The following PYROXD2 variants were observed in gnomAD, a reference collection of about 807,000 sequenced individuals.
PYROXD2 encodes the protein pyridine nucleotide-disulphide oxidoreductase domain 2, also known as pyridine nucleotide-disulfide oxidoreductase domain-containing protein 2.
PYROXD2 carries 69 observed loss-of-function variants against 71.1 expected under a neutral mutation model. The observed-to-expected ratio is 0.97, with a 90% CI of 0.80 to 1.19. PYROXD2 has a LOEUF of 1.19. PYROXD2 is among the 50% of genes most tolerant of loss of function. The pLI is 0.00. For synonymous variants in PYROXD2, 287 were observed against 302.7 expected, an observed-to-expected ratio of 0.95 and a Z score of 0.54; for missense variants, 745 against 748.9, an observed-to-expected ratio of 0.99 and a Z score of 0.06.
chr10:98,407,558 A>G (rs200958885), intron 4 of PYROXD2, 24 bp downstream of exon 4: 17 of 1,612,352 alleles, frequency 1.1e-5, no homozygotes, highest in Non-Finnish European at 1.3e-5. Flanking sequence ...CCTCCGTGCA[A>G]TCGGGCCGGC....
chr10:98,391,277 C>T (rs541912051), intron 10 of PYROXD2, among the ~76,000 whole-genome samples, 195 bp from the exon 11 acceptor site: 7 of 152,258 alleles, frequency 4.6e-5, no homozygotes, highest in African/African-American at 1.7e-4. Context: ...CTTCCTCCTC[C>T]GCGCTTGGCC....
intron 4 of PYROXD2, among the ~76,000 whole-genome samples, chr10:98,402,711 G>A (rs1325655764): frequency 6.6e-6 from 1 of 152,210 alleles, no homozygotes; most frequent in Non-Finnish European, 1.5e-5. Context: ...CACCTTATCA[G>A]CCAGGCCTCC....
rs781709465 is a variant in PYROXD2 at position 98,392,535 on chromosome 10, C to T, written c.959G>A (p.Gly320Asp). 2 of 1,613,080 alleles carry T rather than the reference C, an allele frequency of 1.2e-6. No individual in the cohort carries two copies. The highest frequency in any genetic ancestry group is 1.7e-6 in the Non-Finnish European group (2 of 1,179,996). Residue 320 changes from glycine (G) to aspartate (D), a missense_variant, in exon 10 of 16, where the codon GGC (glycine) becomes GAC (aspartate). Gly to Asp is a moderately conservative substitution (Grantham distance 94, BLOSUM62 -1). Transcript: ENST00000370575. ...TTCCAGCACAACTCCTTGAACACAG[C>T]CTTCACTGTTCACCTGCACCTTCGC... is the stretch of plus-strand genomic sequence containing the variant. ...TVAKVQVNSEGCVQGVVLEDG... is the reference protein window; with the variant it reads ...TVAKVQVNSEDCVQGVVLEDG...
In PYROXD2 at chr10:98,383,666, C is replaced by T; in HGVS notation, c.*132G>A. On this transcript the variant is annotated 3_prime_UTR_variant, in exon 16 of 16. Coordinates refer to ENST00000370575, the MANE Select transcript of PYROXD2 (RefSeq NM_032709.3). ...ACTAAATGTAACTCGTACGTTTTTT[C>T]TAAAATAATTTCTTGAGCATTGTGG... 1.4e-5 allele frequency: 11 copies of T among 766,212 alleles called. No individual in the cohort carries two copies. The highest frequency in any genetic ancestry group is 8.4e-5 in the Admixed American group (4 of 47,696). The allele number at this position is 766,212 out of a possible 1,614,324, so 47.5% of individuals were successfully genotyped here.
At chr10:98,413,529 C>T (rs1292763658) in intron 1 of PYROXD2, among the ~76,000 whole-genome samples, 2 of 152,078 alleles carry the variant, frequency 1.3e-5, no homozygotes, top group Non-Finnish European at 1.5e-5. Flanking sequence ...GCCTCGCCAA[C>T]ATGGTGAAAC....
In PYROXD2 at chr10:98,388,508, C is replaced by T. The variant is rs1590933181; in HGVS notation, c.1293G>A (p.Arg431=). The T allele has an allele frequency of 1.3e-6, 2 of 1,595,042 alleles. No homozygotes were observed. The highest frequency in any genetic ancestry group is 1.7e-6 in the Non-Finnish European group (2 of 1,171,216). ...AAGGGATGCAGAGCTCAATCACAGGCCTGTGCGGGCAGGGAGGAGACGGCA... is the reference window on the plus strand; with the variant it reads ...AAGGGATGCAGAGCTCAATCACAGGTCTGTGCGGGCAGGGAGGAGACGGCA... The part of the protein sequence containing the change: ...EDAMDGLPSH[R]PVIELCIPSS... Residue 431 remains arginine (R), a splice_region_variant and synonymous_variant, in exon 13 of 16, where the codon AGG becomes AGA. Transcript: ENST00000370575.
chr10:98,388,596 CCT>C, intron 12 of PYROXD2, 88 bp from the exon 13 acceptor site: 1 of 1,326,440 alleles, frequency 7.5e-7, no homozygotes, highest in Non-Finnish European at 1.0e-6. Flanking sequence ...CAGTGGAGGC[CCT>C]GAGATGACAC....
At chr10:98,405,814 A>G (rs1843579567) in intron 4 of PYROXD2, among the ~76,000 whole-genome samples, 1 of 152,232 alleles carries the variant, frequency 6.6e-6, no homozygotes, top group African/African-American at 2.4e-5. Flanking sequence ...AAGAACAAGG[A>G]GTAGGAGACA....
At chr10:98,384,904 C>A (rs777654059) in intron 15 of PYROXD2, 43 bp downstream of exon 15, 2 of 1,548,786 alleles carry the variant, frequency 1.3e-6, no homozygotes, top group Non-Finnish European at 1.7e-6. Flanking sequence ...CTCCAGTGAG[C>A]CCTCCCAGTC....
chr10:98,399,418 T>C lies in PYROXD2; in HGVS notation c.471+684A>G, dbSNP rs1372892276. ...GTACAAAATGGCCATTCAAATAATC[T>C]TTCTATATCCACAGAACCAACTGTG... On this transcript the variant is annotated intron_variant, in intron 5 of 15. Coordinates refer to ENST00000370575, the MANE Select transcript of PYROXD2 (RefSeq NM_032709.3). Among the ~76,000 whole-genome samples, 3 of 152,336 alleles carry C rather than the reference T, an allele frequency of 2.0e-5. No homozygotes were observed. The East Asian group carries it at 5.8e-4, about 29-fold the overall frequency.
intron 15 of PYROXD2, 61 bp from the exon 16 acceptor site, chr10:98,383,929 G>A: frequency 1.4e-6 from 2 of 1,460,134 alleles, no homozygotes; most frequent in East Asian, 4.5e-5. Context: ...GTGGGGGTGG[G>A]GACAGGGCTT....
chr10:98,399,024 C>A (rs1422662656), intron 5 of PYROXD2, among the ~76,000 whole-genome samples: 1 of 151,920 alleles, frequency 6.6e-6, no homozygotes, highest in Non-Finnish European at 1.5e-5. Context: ...GCCTGTAATC[C>A]CAGCTACTCA....
intron 4 of PYROXD2, among the ~76,000 whole-genome samples, chr10:98,402,238 T>C (rs1280229765): frequency 5.3e-5 from 8 of 152,340 alleles, no homozygotes; most frequent in Admixed American, 3.3e-4. Context: ...GAGAGGCTCA[T>C]AGGAGTTAAA....
chr10:98,392,007 TG>T, intron 10 of PYROXD2, among the ~76,000 whole-genome samples: 1 of 152,228 alleles, frequency 6.6e-6, no homozygotes, highest in Non-Finnish European at 1.5e-5. Context: ...TCTCCAGTTC[TG>T]GGTGCCAGTA....
At chr10:98,397,236 C>A in intron 6 of PYROXD2, 109 bp downstream of exon 6, 11 of 1,416,152 alleles carry the variant, frequency 7.8e-6, no homozygotes, top group Non-Finnish European at 1.0e-5. Context: ...TAACTGATCC[C>A]AGCTGGCAGG....
rs766750392 is a variant in PYROXD2, at chr10:98,388,471, G to A, written c.1330C>T (p.Pro444Ser). 12 of 1,611,842 alleles carry A rather than the reference G, an allele frequency of 7.4e-6. No individual in the cohort carries two copies. The highest frequency in any genetic ancestry group is 2.5e-6 in the Non-Finnish European group (3 of 1,179,384). The change falls in exon 13 of 16, where the codon CCC (proline) becomes TCC (serine). Residue 444 changes from proline (P) to serine (S), a missense_variant. Physicochemically the swap from Pro to Ser is moderately conservative, Grantham distance 74. Transcript: ENST00000370575. ...IELCIPSSLD[P>S]TLAPPGCHVV... is the part of the protein sequence containing the mutation. Reference sequence around the variant, plus strand: ...TGGCAGCCAGGGGGAGCCAGGGTGGGGTCCAGCGAGGAAGGGATGCAGAGC... The same window carrying A: ...TGGCAGCCAGGGGGAGCCAGGGTGGAGTCCAGCGAGGAAGGGATGCAGAGC...
intron 1 of PYROXD2, 162 bp from the exon 2 acceptor site, chr10:98,411,120 G>T: frequency 2.1e-6 from 2 of 953,048 alleles, no homozygotes; most frequent in Non-Finnish European, 3.1e-6. Flanking sequence ...ACAGCATCTA[G>T]TTCAACTCCA....
intron 1 of PYROXD2, chr10:98,411,714 A>G (rs7909131): frequency 0.48 from 73,244 of 151,854 alleles, 20,520 homozygotes; most frequent in African/African-American, 0.78. Flanking sequence ...AATCACCTGG[A>G]AGGTTGTATA....
rs1843230939 is a variant in PYROXD2 at position 98,397,501 on chromosome 10, G to A, written c.472-3C>T. 9.4e-6 allele frequency: 15 copies of A among 1,592,370 alleles called. No homozygotes were observed. Among genetic ancestry groups the A allele is most frequent in the Non-Finnish European group, 1.3e-5 (15 of 1,165,484 alleles). On this transcript the variant is annotated splice_region_variant and splice_polypyrimidine_tract_variant and intron_variant, in intron 5 of 15. Transcript: ENST00000370575. Reference sequence around the variant, plus strand: ...AACTCCTCATATTTGGGAAAGACCTGGAACAGAGCTCTGCATTAAGGCCCC... The same window carrying A: ...AACTCCTCATATTTGGGAAAGACCTAGAACAGAGCTCTGCATTAAGGCCCC...
Sources: allele counts gnomAD v4.1 joint callset (sites outside exome capture counted in the v4.1 genomes callset), GRCh38; gene constraint gnomAD v4.1.1; transcripts MANE v1.5; gene names NCBI Gene and HGNC (gene_info 2026-07-23, HGNC 2026-07-21).